C3: variants seen among roughly 807,000 people sequenced by gnomAD.
The protein encoded by C3 is complement C3, also known as C3 and PZP-like alpha-2-macroglobulin domain-containing protein 1.
A neutral mutation model predicts 207.9 loss-of-function variants in C3; 97 were observed. The observed-to-expected ratio is 0.47, with a 90% CI of 0.40 to 0.55. The LOEUF is 0.55. Ranked by LOEUF, C3 falls within the 20% of genes least tolerant of loss-of-function variation. The pLI is 0.00. For missense variants in C3, 1,684 were observed against 2,171.7 expected (o/e 0.78, Z 4.46); for synonymous variants, 848 against 857.6 (o/e 0.99, Z 0.20).
rs1349287583 is a variant in C3, at chr19:6,707,232, C to G, written c.2089G>C (p.Gly697Arg). 1.2e-6 allele frequency: 2 copies of G among 1,613,198 alleles called. No individual in the cohort carries two copies. The highest frequency in any genetic ancestry group is 1.7e-6 in the Non-Finnish European group (2 of 1,179,678). Residue 697 changes from glycine to arginine, a missense_variant, in exon 17 of 41, where the codon GGC (glycine) becomes CGC (arginine). Physicochemically the swap from Gly to Arg is moderately radical, Grantham distance 125. Coordinates refer to ENST00000245907, the MANE Select transcript of C3 (RefSeq NM_000064.4). ...PKELRKCCED[G>R]MRENPMRFSC... ...AACCTCATGGGGTTCTCCCGCATGC[C>G]GTCCTCGCAGCACTTGCGCAGCTCC... is the stretch of plus-strand genomic sequence containing the variant.
At chr19:6,680,026 A>G in intron 36 of C3, 132 bp downstream of exon 36, 2 of 714,008 alleles carry the variant, frequency 2.8e-6, no homozygotes, top group Non-Finnish European at 5.2e-6. Flanking sequence ...GACCCGTGGG[A>G]CCTTCATACT....
rs758930067 is a variant in C3 at position 6,713,176 on chromosome 19, G to C, written c.1003+13C>G. The C allele has an allele frequency of 5.5e-5, 88 of 1,613,554 alleles. No individual in the cohort carries two copies. Among genetic ancestry groups the C allele is most frequent in the Non-Finnish European group, 4.3e-5 (51 of 1,179,998 alleles). On this transcript the variant is annotated intron_variant, in intron 9 of 40. Coordinates refer to ENST00000245907, the MANE Select transcript of C3 (RefSeq NM_000064.4). ...TTGGTGGTCCTGAGCCTGGCCTTCA[G>C]ACTGGGCCTCACCTGAGTGCAAGAT...
intron 15 of C3, 36 bp from the exon 16 acceptor site, chr19:6,707,573 G>C (rs369238293): frequency 6.8e-6 from 11 of 1,611,306 alleles, no homozygotes; most frequent in East Asian, 6.7e-5. Context: ...AGATGGATGA[G>C]GCACCTACTA....
At chr19:6,703,983 AAC>A (rs903835612) in intron 17 of C3, among the ~76,000 whole-genome samples, 1 of 151,926 alleles carries the variant, frequency 6.6e-6, no homozygotes, top group African/African-American at 2.4e-5. Context: ...CAAAGAAAAA[AAC>A]ACAAAAAAAA....
chr19:6,691,427 A>T (rs578000149), intron 26 of C3, among the ~76,000 whole-genome samples: 1 of 152,144 alleles, frequency 6.6e-6, no homozygotes, highest in Non-Finnish European at 1.5e-5. Context: ...GAACTGTGGG[A>T]GTGTGACCCA....
Position 6,702,828 on chromosome 19 carries a change from C to A in C3, c.2246-249G>T, listed in dbSNP as rs780722461. The A allele has an allele frequency of 5.5e-5, 23 of 421,726 alleles. No individual in the cohort carries two copies. The East Asian group carries it at 1.2e-3, about 22-fold the overall frequency. The allele number at this position is 421,726 out of a possible 1,614,324, so 26.1% of individuals were successfully genotyped here. On this transcript the variant is annotated intron_variant, in intron 17 of 40. Transcript: ENST00000245907. ...GTGGGTGGATCGCTTGAGGTCAGGACTTTGAGACCAGCCTGGACAACATGG... is the reference window on the plus strand; with the variant it reads ...GTGGGTGGATCGCTTGAGGTCAGGAATTTGAGACCAGCCTGGACAACATGG...
Position 6,707,812 on chromosome 19 carries a change from C to T in C3, c.1963G>A (p.Ala655Thr), listed in dbSNP as rs1220580146. 1.9e-5 allele frequency: 31 copies of T among 1,613,444 alleles called. No homozygotes were observed. The East Asian group carries it at 3.8e-4, about 20-fold the overall frequency. Residue 655 changes from alanine (A) to threonine (T), a missense_variant, in exon 15 of 41, where the codon GCC (alanine) becomes ACC (threonine). This residue lies in a region of C3 where 1,280 missense variants were observed against 1,739.1 expected (regional missense o/e 0.74). Transcript: ENST00000245907. ...TFTSSSGQQT[A>T]QRAELQCPQP... The stretch of plus-strand genomic sequence containing the variant: ...GTGGCGACCTCACCTGCCCTCTGGG[C>T]GGTCTGCTGGCCACTGCTGCTCGTG...
At chr19:6,686,948 T>C (rs370609043) in intron 27 of C3, 46 bp from the exon 28 acceptor site, 169 of 1,594,464 alleles carry the variant, frequency 1.1e-4, no homozygotes, top group Non-Finnish European at 1.4e-4. Context: ...GGCATTGCTG[T>C]CACGTTAGTA....
chr19:6,719,492 G>A lies in C3; in HGVS notation c.75-89C>T, dbSNP rs1329197001. 4 of 1,214,460 alleles carry A rather than the reference G, an allele frequency of 3.3e-6. No individual in the cohort carries two copies. The highest frequency in any genetic ancestry group is 1.8e-5 in the Admixed American group (1 of 55,664). The allele number at this position is 1,214,460 out of a possible 1,614,324, so 75.2% of individuals were successfully genotyped here. On this transcript the variant is annotated intron_variant, in intron 1 of 40. Coordinates refer to ENST00000245907, the MANE Select transcript of C3 (RefSeq NM_000064.4). The surrounding 1 kb of genome is among the most constrained non-coding windows in gnomAD (Gnocchi z 5.4). The stretch of plus-strand genomic sequence containing the variant: ...GGAGTCAGCGCCTGGCAGGCTGTGT[G>A]CCCCAGCCTCTGGTCCTGGAGAGGA...
intron 33 of C3, 155 bp downstream of exon 33, chr19:6,684,233 A>G: frequency 1.3e-6 from 1 of 762,142 alleles, no homozygotes; most frequent in Non-Finnish European, 2.4e-6. Flanking sequence ...CAAAGCAAGG[A>G]CTGTCTGTGT....
In C3 at chr19:6,696,767, C is replaced by T. The variant is rs1967542303; in HGVS notation, c.2797-108G>A. 16 of 1,115,582 alleles carry T rather than the reference C, an allele frequency of 1.4e-5. No homozygotes were observed. In the Admixed American group the frequency reaches 1.5e-4, roughly 11 times the overall value. The allele number at this position is 1,115,582 out of a possible 1,614,324, so 69.1% of individuals were successfully genotyped here. On this transcript the variant is annotated intron_variant, in intron 21 of 40. Coordinates refer to ENST00000245907, the MANE Select transcript of C3 (RefSeq NM_000064.4). The stretch of plus-strand genomic sequence containing the variant: ...TTAGGATCACCCTAGCATTGCCGGG[C>T]GCGGTGGCTCGTGCCTGTGATCCTA...
intron 33 of C3, chr19:6,683,323 AG>A (rs1917911890): frequency 1.3e-5 from 2 of 151,934 alleles, no homozygotes; most frequent in Non-Finnish European, 2.9e-5. Flanking sequence ...TGTCATACAA[AG>A]GAAAAAAAAA....
At chr19:6,685,278 G>C (rs902589266) in intron 29 of C3, 132 bp from the exon 30 acceptor site, 3 of 815,966 alleles carry the variant, frequency 3.7e-6, no homozygotes, top group Admixed American at 2.0e-5. Flanking sequence ...GAGAGTGCAG[G>C]GGTGATAACT....
chr19:6,710,070 A>G (rs1599521755), intron 13 of C3, among the ~76,000 whole-genome samples: 1 of 141,646 alleles, frequency 7.1e-6, no homozygotes, highest in East Asian at 2.2e-4. Context: ...AGACGGAGAG[A>G]CAGGGAGAGA....
At chr19:6,700,249 AATATATT>A (rs1327822594) in intron 19 of C3, among the ~76,000 whole-genome samples, 7 of 135,054 alleles carry the variant, frequency 5.2e-5, no homozygotes, top group South Asian at 4.7e-4. Flanking sequence ...TACAATATAT[AATATATT>A]ATATATGTAA....
chr19:6,691,194 C>A (rs879295554), intron 26 of C3, among the ~76,000 whole-genome samples: 42 of 151,798 alleles, frequency 2.8e-4, no homozygotes, highest in Admixed American at 1.4e-3. Flanking sequence ...GCTGGGATTA[C>A]AAGCATGCAC....
chr19:6,707,683 A>G, intron 15 of C3, 117 bp downstream of exon 15: 1 of 1,528,476 alleles, frequency 6.5e-7, no homozygotes, highest in Non-Finnish European at 9.0e-7. Context: ...GGGATTTACT[A>G]GGTGGTGGTG....
chr19:6,705,446 G>A (rs372354028), intron 17 of C3, among the ~76,000 whole-genome samples: 5 of 149,320 alleles, frequency 3.3e-5, no homozygotes, highest in South Asian at 4.2e-4. Context: ...GGGTTCAAAC[G>A]ATCCTCCCAC....
intron 4 of C3, 156 bp downstream of exon 4, chr19:6,717,938 G>T: frequency 2.7e-6 from 2 of 750,326 alleles, no homozygotes; most frequent in Non-Finnish European, 2.4e-6. Flanking sequence ...TGTGCTGTAT[G>T]TGTGTGTGTT....
Sources: allele counts gnomAD v4.1 joint callset (sites outside exome capture counted in the v4.1 genomes callset), GRCh38; gene constraint gnomAD v4.1.1; regional missense constraint gnomAD v4.1.1; non-coding constraint Gnocchi (gnomAD v3.1); transcripts MANE v1.5; gene names NCBI Gene and HGNC (gene_info 2026-07-23, HGNC 2026-07-21).